The following ELP4 variants were observed in gnomAD, a reference collection of about 807,000 sequenced individuals.
ELP4 encodes elongator complex protein 4.
ELP4 carries 51 observed loss-of-function variants against 48.9 expected under a neutral mutation model. The ratio of observed to expected loss-of-function variants is 1.04; its 90% CI spans 0.83 to 1.32. ELP4 has a LOEUF of 1.32. Ranked by LOEUF, ELP4 falls within the 40% of genes most tolerant of loss-of-function variation. The pLI is 0.00. For synonymous variants in ELP4, 210 were observed against 189.2 expected (o/e 1.11, Z -0.90); for missense variants, 519 against 514.6 (o/e 1.01, Z -0.08).
At chr11:31,642,559 T>C (rs1053989646) in intron 7 of ELP4, among the ~76,000 whole-genome samples, 1 of 151,868 alleles carries the variant, frequency 6.6e-6, no homozygotes, top group Non-Finnish European at 1.5e-5. Context: ...ATGTTTGTTT[T>C]ACAGTTTTCC....
At chr11:31,693,263 CTCG>C (rs1946321640) in intron 9 of ELP4, among the ~76,000 whole-genome samples, 1 of 152,024 alleles carries the variant, frequency 6.6e-6, no homozygotes, top group African/African-American at 2.4e-5. Flanking sequence ...TACCCATTAA[CTCG>C]TCATTTACAT....
intron 3 of ELP4, among the ~76,000 whole-genome samples, chr11:31,570,356 A>C (rs1957174205): frequency 6.6e-6 from 1 of 152,172 alleles, no homozygotes; most frequent in Non-Finnish European, 1.5e-5. Flanking sequence ...AATACAAGGC[A>C]GGAGAGGGAA....
In ELP4 at chr11:31,509,955, G is replaced by A. The variant is rs1420068306; in HGVS notation, c.171G>A (p.Arg57=). 13 of 1,613,188 alleles carry A rather than the reference G, an allele frequency of 8.1e-6. No homozygotes were observed. Among genetic ancestry groups the A allele is most frequent in the Non-Finnish European group, 1.1e-5 (13 of 1,180,030 alleles). ...VSIAGTRPSV[R]NGQLLVSTGL... ...TTGCGGGCACGCGACCGTCGGTGCG[G>A]AATGGACAGCTGCTGGTATCAACCG... is the stretch of plus-strand genomic sequence containing the variant. Residue 57 remains arginine, a synonymous_variant, in exon 1 of 10, where the codon CGG becomes CGA. Coordinates refer to ENST00000640961, the MANE Select transcript of ELP4 (RefSeq NM_019040.5).
At chr11:31,717,921 G>T (rs563881112) in intron 9 of ELP4, among the ~76,000 whole-genome samples, 3 of 151,742 alleles carry the variant, frequency 2.0e-5, no homozygotes, top group Non-Finnish European at 4.4e-5. Context: ...TTTGATAACC[G>T]CATCCATAGT....
In ELP4 at chr11:31,632,422, A is replaced by G. The variant is rs16922338; in HGVS notation, c.927+17A>G. 1.3e-3 allele frequency: 2,019 copies of G among 1,587,480 alleles called. 23 individuals carry two copies. The African/African-American group carries it at 0.024, about 19-fold the overall frequency. On this transcript the variant is annotated intron_variant, in intron 7 of 9. Transcript: ENST00000640961. ...CTGATCCAGGTACGAAATTTCCAGA[A>G]CTACTTTTTCATAATTCATAGTAAT... is the stretch of plus-strand genomic sequence containing the variant.
chr11:31,541,932 G>A (rs1038817819), intron 3 of ELP4, among the ~76,000 whole-genome samples: 1 of 152,128 alleles, frequency 6.6e-6, no homozygotes, highest in Non-Finnish European at 1.5e-5. Flanking sequence ...ATGTAGGAGA[G>A]TAAAATATAA....
intron 9 of ELP4, chr11:31,767,963 G>A (rs1242246500): frequency 2.6e-5 from 4 of 152,116 alleles, no homozygotes; most frequent in Non-Finnish European, 5.9e-5. Context: ...TGTGGAAGGG[G>A]GAACTAGATG....
At chr11:31,744,746 A>C (rs1947540943) in intron 9 of ELP4, among the ~76,000 whole-genome samples, 1 of 152,168 alleles carries the variant, frequency 6.6e-6, no homozygotes, top group Non-Finnish European at 1.5e-5. Context: ...ATCTCAAAAT[A>C]ATAAGAGCTA....
intron 3 of ELP4, among the ~76,000 whole-genome samples, chr11:31,555,525 A>G (rs920690267): frequency 7.9e-5 from 12 of 151,880 alleles, no homozygotes; most frequent in African/African-American, 2.7e-4. Context: ...TGTGATTAGA[A>G]GAATAATATG....
intron 3 of ELP4, among the ~76,000 whole-genome samples, chr11:31,594,438 A>G (rs1042422089): frequency 1.3e-5 from 2 of 152,184 alleles, no homozygotes; most frequent in Admixed American, 6.5e-5. Context: ...TATGGAATAC[A>G]TAAGTACTAA....
intron 3 of ELP4, among the ~76,000 whole-genome samples, chr11:31,586,895 C>T (rs1318588472): frequency 2.0e-5 from 3 of 152,136 alleles, no homozygotes; most frequent in South Asian, 2.1e-4. Context: ...TTGCCTCGGC[C>T]TCCCAAAGTG....
intron 9 of ELP4, among the ~76,000 whole-genome samples, chr11:31,731,265 G>C (rs890766409): frequency 8.5e-5 from 13 of 152,134 alleles, no homozygotes; most frequent in African/African-American, 2.9e-4. Context: ...TGAATTGCTT[G>C]ACAAAGAATT....
chr11:31,690,780 A>G (rs1222132281), intron 9 of ELP4, among the ~76,000 whole-genome samples: 3 of 141,980 alleles, frequency 2.1e-5, no homozygotes, highest in Non-Finnish European at 4.6e-5. Context: ...ACTTAGTTTC[A>G]TGTGGGTTTT....
chr11:31,533,515 C>T (rs1956440811), intron 2 of ELP4, among the ~76,000 whole-genome samples: 1 of 150,956 alleles, frequency 6.6e-6, no homozygotes, highest in South Asian at 2.1e-4. Context: ...GTAGCTGGGA[C>T]TACATGCGCC....
chr11:31,655,395 T>C (rs974576869), intron 9 of ELP4, among the ~76,000 whole-genome samples: 10 of 152,080 alleles, frequency 6.6e-5, no homozygotes, highest in African/African-American at 2.4e-4. Flanking sequence ...AAAAACATCA[T>C]TTAACTAAAT....
intron 9 of ELP4, among the ~76,000 whole-genome samples, chr11:31,705,378 A>G (rs1159453887): frequency 1.3e-5 from 2 of 152,184 alleles, no homozygotes; most frequent in African/African-American, 4.8e-5. Context: ...ACTGTCAAAT[A>G]CCATTAACAT....
intron 9 of ELP4, among the ~76,000 whole-genome samples, chr11:31,696,865 C>T (rs1232782307): frequency 6.6e-6 from 1 of 151,976 alleles, no homozygotes; most frequent in African/African-American, 2.4e-5. Context: ...CTCAGACTGG[C>T]AAATTGGATA....
intron 9 of ELP4, among the ~76,000 whole-genome samples, chr11:31,696,806 A>G (rs969016646): frequency 5.9e-4 from 90 of 152,314 alleles, no homozygotes; most frequent in African/African-American, 2.1e-3. Context: ...ATTCACACCT[A>G]ACAATATTAA....
At chr11:31,613,900 G>T (rs989370343) in intron 5 of ELP4, among the ~76,000 whole-genome samples, 66 of 151,598 alleles carry the variant, frequency 4.4e-4, no homozygotes, top group African/African-American at 1.5e-3. Flanking sequence ...TAATAGAGAT[G>T]GGGTTTCACC....
Sources: gnomAD v4.1 joint callset for allele counts (sites outside exome capture counted in the v4.1 genomes callset) on GRCh38, gnomAD v4.1.1 for gene constraint, MANE v1.5 for transcripts, NCBI Gene and HGNC (gene_info 2026-07-23, HGNC 2026-07-21) for gene names.